The following SUGCT variants were observed in gnomAD, a reference collection of about 807,000 sequenced individuals.
The protein encoded by SUGCT is succinyl-CoA:glutarate CoA-transferase.
In SUGCT, 41 loss-of-function variants were observed where a neutral mutation model predicts 55.0. The observed-to-expected ratio is 0.74, with a 90% CI of 0.58 to 0.97. SUGCT has a LOEUF of 0.97. Among genes scored for constraint, SUGCT ranks in the 50% least tolerant of loss-of-function variants. The pLI, the probability that SUGCT is intolerant of heterozygous loss-of-function variation, is 0.00. For missense variants in SUGCT, 568 were observed against 547.8 expected (o/e 1.04, Z -0.37); for synonymous variants, 187 against 200.4 (o/e 0.93, Z 0.56).
chr7:40,517,394 T>C lies in SUGCT; in HGVS notation c.1089+21008T>C, dbSNP rs371643723. On this transcript the variant is annotated intron_variant, in intron 12 of 13. Transcript: ENST00000335693. The stretch of plus-strand genomic sequence containing the variant: ...ACCTCCAGTAGAATGTTAAATAGCA[T>C]TGGTGAGAGCAAATATCCTTGTCTT... Among the ~76,000 whole-genome samples the C allele has an allele frequency of 7.2e-5, 11 of 152,084 alleles. No individual in the cohort carries two copies. In the East Asian group the frequency reaches 1.2e-3, roughly 16 times the overall value.
chr7:40,770,582 T>A (rs1198038519), intron 13 of SUGCT, among the ~76,000 whole-genome samples: 2 of 152,076 alleles, frequency 1.3e-5, no homozygotes, highest in Admixed American at 1.3e-4. Flanking sequence ...ATACCTATAC[T>A]CACATATATT....
chr7:40,967,992 C>T, the SUGCT span: 1 of 152,270 alleles, frequency 6.6e-6, no homozygotes, highest in South Asian at 2.1e-4. Flanking sequence ...ACCTGTGGAT[C>T]ATAATTTTAA....
intron 13 of SUGCT, among the ~76,000 whole-genome samples, chr7:40,844,035 C>G (rs78318479): frequency 1.3e-5 from 2 of 151,992 alleles, no homozygotes; most frequent in Non-Finnish European, 2.9e-5. Context: ...GGAACCAGGG[C>G]AAATCAACAC....
downstream of SUGCT, among the ~76,000 whole-genome samples, chr7:40,864,685 A>T (rs1794549498): frequency 1.3e-5 from 2 of 152,134 alleles, no homozygotes; most frequent in South Asian, 2.1e-4. Context: ...AGAGATTTGG[A>T]GGAATGGGAA....
intron 13 of SUGCT, among the ~76,000 whole-genome samples, chr7:40,850,911 A>G (rs748890185): frequency 2.6e-5 from 4 of 152,242 alleles, no homozygotes; most frequent in Non-Finnish European, 5.9e-5. Context: ...TGCTAAGGTC[A>G]TCACTGTAGC....
At chr7:40,292,467 C>T (rs1423535231) in intron 8 of SUGCT, among the ~76,000 whole-genome samples, 2 of 151,984 alleles carry the variant, frequency 1.3e-5, no homozygotes, top group African/African-American at 2.4e-5. Context: ...TTAAAGGAAG[C>T]GGCAGACACT....
chr7:40,144,888 T>A (rs185379195), intron 1 of SUGCT, among the ~76,000 whole-genome samples: 119 of 152,300 alleles, frequency 7.8e-4, no homozygotes, highest in African/African-American at 2.7e-3. Flanking sequence ...TATATTAGTG[T>A]GCTATTAGTG....
intron 1 of SUGCT, among the ~76,000 whole-genome samples, chr7:40,163,531 G>C (rs1171185419): frequency 6.6e-6 from 1 of 151,634 alleles, no homozygotes; most frequent in African/African-American, 2.4e-5. Flanking sequence ...CTTGAACTGT[G>C]GAGGCGGAGG....
intron 12 of SUGCT, among the ~76,000 whole-genome samples, chr7:40,663,554 C>G (rs1289163681): frequency 6.6e-6 from 1 of 150,966 alleles, no homozygotes; most frequent in Non-Finnish European, 1.5e-5. Context: ...TCTCCCACCC[C>G]AAGTCTCTCT....
At chr7:40,532,101 GC>G (rs1794129758) in intron 12 of SUGCT, among the ~76,000 whole-genome samples, 1 of 152,198 alleles carries the variant, frequency 6.6e-6, no homozygotes, top group African/African-American at 2.4e-5. Flanking sequence ...AAGGGGTGAG[GC>G]CAACTGCAAG....
chr7:40,285,572 A>G (rs962085903), intron 8 of SUGCT, among the ~76,000 whole-genome samples: 2 of 151,742 alleles, frequency 1.3e-5, no homozygotes, highest in Admixed American at 6.6e-5. Flanking sequence ...AGTGGTGACT[A>G]TTTACCCATC....
At chr7:40,616,860 G>A (rs1799029237) in intron 12 of SUGCT, among the ~76,000 whole-genome samples, 2 of 152,186 alleles carry the variant, frequency 1.3e-5, no homozygotes, top group Admixed American at 6.5e-5. Context: ...ACATTTAACA[G>A]CATCTTCTAT....
intron 12 of SUGCT, among the ~76,000 whole-genome samples, chr7:40,704,147 A>G (rs564198376): frequency 6.6e-6 from 1 of 152,244 alleles, no homozygotes; most frequent in Non-Finnish European, 1.5e-5. Context: ...GGAGTTTCCC[A>G]TCACTCTGGA....
chr7:40,515,454 A>G (rs2151562036), intron 12 of SUGCT, among the ~76,000 whole-genome samples: 1 of 152,326 alleles, frequency 6.6e-6, no homozygotes, highest in African/African-American at 2.4e-5. Flanking sequence ...GCTAAAAGAA[A>G]CACCATTGGC....
At chr7:40,945,044 T>A in the SUGCT span, among the ~76,000 whole-genome samples, 25 of 152,232 alleles carry the variant, frequency 1.6e-4, 1 homozygote, top group Admixed American at 1.2e-3. Flanking sequence ...TCCCCAGTAT[T>A]TTGTTTACTG....
intron 12 of SUGCT, among the ~76,000 whole-genome samples, chr7:40,636,811 G>A (rs1237796455): frequency 6.9e-6 from 1 of 144,116 alleles, no homozygotes; most frequent in African/African-American, 2.9e-5. Flanking sequence ...CATATTGTCT[G>A]CATCCATTCT....
chr7:40,511,774 C>A (rs2151553263), intron 12 of SUGCT, among the ~76,000 whole-genome samples: 1 of 152,212 alleles, frequency 6.6e-6, no homozygotes, highest in South Asian at 2.1e-4. Context: ...CCTATATATG[C>A]CATGGTTTTC....
At chr7:40,533,361 C>G (rs1327536856) in intron 12 of SUGCT, among the ~76,000 whole-genome samples, 2 of 151,872 alleles carry the variant, frequency 1.3e-5, no homozygotes, top group Admixed American at 6.6e-5. Context: ...AATAGTGTAT[C>G]TAATCAATCT....
rs200601218 is a variant in SUGCT at position 40,276,817 on chromosome 7, G to C, written c.720+2161G>C. Among the ~76,000 whole-genome samples, 63 of 150,574 alleles carry C rather than the reference G, an allele frequency of 4.2e-4. No homozygotes were observed. In the South Asian group the frequency reaches 6.8e-3, roughly 16 times the overall value. On this transcript the variant is annotated intron_variant, in intron 8 of 13. Transcript: ENST00000335693. ...TGCATGTGTGTGTGTGTGTGTGTGT[G>C]TGTCTGTCTGTCTGTCTGTGTCTGT...
Sources: allele counts gnomAD v4.1 joint callset (sites outside exome capture counted in the v4.1 genomes callset), GRCh38; gene constraint gnomAD v4.1.1; transcripts MANE v1.5; gene names NCBI Gene and HGNC (gene_info 2026-07-23, HGNC 2026-07-21).